LHX8: variants seen among roughly 807,000 people sequenced by gnomAD.
The protein encoded by LHX8 is LIM homeobox 8.
A neutral mutation model predicts 40.3 loss-of-function variants in LHX8; 12 were observed. That is an observed-to-expected ratio of 0.30 (90% CI 0.19 to 0.48). The LOEUF (loss-of-function observed/expected upper bound fraction) is 0.48, where lower values mean the gene tolerates loss of function less well. LHX8 is among the 20% of genes least tolerant of loss of function. LHX8 has a pLI of 0.99. For missense variants in LHX8, 344 were observed against 433.7 expected (o/e 0.79, Z 1.84); for synonymous variants, 179 against 162.0 (o/e 1.10, Z -0.80).
At chr1:75,131,046 G>A (rs999255428), upstream of LHX8, 3 of 442,996 alleles carry the variant, frequency 6.8e-6, no homozygotes, top group African/African-American at 6.0e-5. Flanking sequence ...GGGCGGTGAG[G>A]GCCGCGGGCC....
At chr1:75,167,102 A>G in the LHX8 span, among the ~76,000 whole-genome samples, 1 of 152,192 alleles carries the variant, frequency 6.6e-6, no homozygotes, top group Non-Finnish European at 1.5e-5. Context: ...CTGCTCTGTC[A>G]TGGACATCTG....
chr1:75,150,265 A>T (rs566076801), intron 7 of LHX8, among the ~76,000 whole-genome samples: 1 of 152,346 alleles, frequency 6.6e-6, no homozygotes, highest in East Asian at 1.9e-4. Flanking sequence ...ATAAATTTCA[A>T]GTCAAAGTAA....
chr1:75,165,241 C>G (rs1360392718), downstream of LHX8, among the ~76,000 whole-genome samples: 1 of 152,138 alleles, frequency 6.6e-6, no homozygotes, highest in East Asian at 1.9e-4. Flanking sequence ...TCATCATGCT[C>G]TCATTCAACA....
At chr1:75,145,335 C>T (rs1648433108) in intron 6 of LHX8, among the ~76,000 whole-genome samples, 3 of 152,150 alleles carry the variant, frequency 2.0e-5, no homozygotes, top group African/African-American at 4.8e-5. Flanking sequence ...TCACAATGGT[C>T]TGTTCCCATG....
In LHX8 at chr1:75,160,983, T is replaced by A; in HGVS notation, c.*88T>A. ...CCATTGAAAAGATATTACTGTTAAT[T>A]TTTTATTTAACACCTAAAGCATTTC... is the stretch of plus-strand genomic sequence containing the variant. On this transcript the variant is annotated 3_prime_UTR_variant, in exon 9 of 9. Transcript: ENST00000356261. 9.7e-7 allele frequency: 1 copy of A among 1,030,392 alleles called. No homozygotes were observed. The allele number at this position is 1,030,392 out of a possible 1,614,324, so 63.8% of individuals were successfully genotyped here. A position where few individuals can be genotyped will look rare whatever the true frequency, so the allele number is the denominator to read the frequency against.
upstream of LHX8, chr1:75,129,846 C>G (rs1226033851): frequency 6.6e-6 from 1 of 152,136 alleles, no homozygotes; most frequent in African/African-American, 2.4e-5. Context: ...TATATCTGCC[C>G]GGTTTGCCTA....
intron 7 of LHX8, among the ~76,000 whole-genome samples, chr1:75,154,105 T>G (rs1485374122): frequency 1.3e-5 from 2 of 152,198 alleles, no homozygotes; most frequent in Non-Finnish European, 2.9e-5. Flanking sequence ...TGTTAACTCT[T>G]GTTGGAGGTT....
the LHX8 span, among the ~76,000 whole-genome samples, chr1:75,182,571 C>T: frequency 5.9e-5 from 9 of 152,148 alleles, no homozygotes; most frequent in African/African-American, 1.7e-4. Flanking sequence ...CAGGGTTTCT[C>T]CATGTTGGTC....
chr1:75,165,194 C>T (rs1046787319), downstream of LHX8, among the ~76,000 whole-genome samples: 2 of 152,282 alleles, frequency 1.3e-5, no homozygotes, highest in Non-Finnish European at 2.9e-5. Context: ...AACTTTATTA[C>T]ATGGTCCTTC....
At chr1:75,130,763 A>C, upstream of LHX8, 2 of 1,610,258 alleles carry the variant, frequency 1.2e-6, no homozygotes, top group Non-Finnish European at 1.7e-6. Context: ...TCTAGAAGCA[A>C]TCTCCTAAAG....
chr1:75,136,409 G>T (rs1164977180), intron 1 of LHX8, among the ~76,000 whole-genome samples, 194 bp from the exon 2 acceptor site: 3 of 151,746 alleles, frequency 2.0e-5, no homozygotes, highest in Non-Finnish European at 4.4e-5. Context: ...GGTGGCGGCC[G>T]CCAGCGGCCA....
the LHX8 span, among the ~76,000 whole-genome samples, chr1:75,175,233 A>G: frequency 2.0e-5 from 3 of 152,142 alleles, no homozygotes; most frequent in African/African-American, 7.2e-5. Context: ...CCGGTTCCAT[A>G]TTTTTGCAAT....
the LHX8 span, among the ~76,000 whole-genome samples, chr1:75,176,377 G>A: frequency 6.6e-6 from 1 of 152,168 alleles, no homozygotes; most frequent in African/African-American, 2.4e-5. Context: ...ATTGGTGTGA[G>A]ATAATATCTC....
rs1648065626 is a variant in LHX8, at chr1:75,134,590, T to C, written c.-377T>C. 6.6e-6 allele frequency among the ~76,000 whole-genome samples: 1 copy of C among 151,760 alleles called. No homozygotes were observed. The highest frequency in any genetic ancestry group is 2.4e-5 in the African/African-American group (1 of 41,294). On this transcript the variant is annotated 5_prime_UTR_variant, in exon 1 of 9. Coordinates refer to ENST00000356261, the MANE Select transcript of LHX8 (RefSeq NM_001256114.2). The stretch of plus-strand genomic sequence containing the variant: ...CGGACAGCCTCTGACCCTCTGGAGT[T>C]GGTATGTGATAAGCAGCCCTAGCAG...
At chr1:75,176,672 G>A in the LHX8 span, among the ~76,000 whole-genome samples, 45 of 152,268 alleles carry the variant, frequency 3.0e-4, no homozygotes, top group African/African-American at 1.0e-3. Flanking sequence ...ATGCTCTTTA[G>A]TTTAATTAGA....
At chr1:75,137,520 G>T (rs972668279) in intron 3 of LHX8, among the ~76,000 whole-genome samples, 1 of 152,140 alleles carries the variant, frequency 6.6e-6, no homozygotes, top group Non-Finnish European at 1.5e-5. Flanking sequence ...GTGTGTGGAT[G>T]CGCTGGAGTC....
Position 75,137,211 on chromosome 1 carries a change from T to C in LHX8, c.187T>C (p.Cys63Arg), listed in dbSNP as rs1648173592. 1 of 1,613,464 alleles carries C rather than the reference T, an allele frequency of 6.2e-7. No homozygotes were observed. Among genetic ancestry groups the C allele is most frequent in the East Asian group, 2.2e-5 (1 of 44,844 alleles). ...ASGSGCPPGK[C>R]VCNSCGLEIV... ...GGGCTCCGGCTGCCCTCCTGGCAAG[T>C]GTGTGTGCAACAGTTGCGGCCTGGA... Residue 63 changes from cysteine to arginine, a missense_variant, in exon 3 of 9, where the codon TGT becomes CGT. This residue lies in a region of LHX8 where 108 missense variants were observed against 90.1 expected (regional missense o/e 1.20). Coordinates refer to ENST00000356261, the MANE Select transcript of LHX8 (RefSeq NM_001256114.2).
Position 75,146,796 on chromosome 1 carries a change from A to G in LHX8, c.685-1791A>G, listed in dbSNP as rs569463065. On this transcript the variant is annotated intron_variant, in intron 6 of 8. Coordinates refer to ENST00000356261, the MANE Select transcript of LHX8 (RefSeq NM_001256114.2). ...TTCCTTTAGAATATTTCAATTCTAA[A>G]TGATCAGAGTTGTTTTGCTTTACTC... Among the ~76,000 whole-genome samples, 6 of 152,314 alleles carry G rather than the reference A, an allele frequency of 3.9e-5. No individual in the cohort carries two copies. The East Asian group carries it at 1.2e-3, about 29-fold the overall frequency.
At chr1:75,130,792 T>C (rs1647941763), upstream of LHX8, 8 of 1,524,182 alleles carry the variant, frequency 5.2e-6, no homozygotes, top group Admixed American at 1.3e-4. Flanking sequence ...CAGACTAATA[T>C]TTATAATGGT....
Sources: gnomAD v4.1 joint callset for allele counts (sites outside exome capture counted in the v4.1 genomes callset) on GRCh38, gnomAD v4.1.1 for gene constraint, gnomAD v4.1.1 regional missense constraint, MANE v1.5 for transcripts, NCBI Gene and HGNC (gene_info 2026-07-23, HGNC 2026-07-21) for gene names.